GPATCH3: variants seen among roughly 807,000 people sequenced by gnomAD.
GPATCH3 encodes G patch domain-containing protein 3.
A neutral mutation model predicts 53.2 loss-of-function variants in GPATCH3; 45 were observed. The ratio of observed to expected loss-of-function variants is 0.85; its 90% CI spans 0.67 to 1.08. The LOEUF is 1.08. Among genes scored for constraint, GPATCH3 ranks in the 50% least tolerant of loss-of-function variants. GPATCH3 has a pLI of 0.00. For missense variants in GPATCH3, 680 were observed against 687.2 expected, an observed-to-expected ratio of 0.99 and a Z score of 0.12; for synonymous variants, 280 against 270.6, an observed-to-expected ratio of 1.03 and a Z score of -0.34.
chr1:26,893,396 A>G lies in GPATCH3; in HGVS notation c.1104T>C (p.Tyr368=), dbSNP rs775805801. The stretch of plus-strand genomic sequence containing the variant: ...CCACTCCTTGCCCAGTACCTCTGTC[A>G]TAGTACACACTCATGTCCACATCCC... ...DDWDVDMSVY[Y]DRDGGDKDAR... The change falls in exon 4 of 7, where the codon TAT becomes TAC. Residue 368 remains tyrosine (Y), a synonymous_variant. Transcript: ENST00000361720. 4 of 1,613,084 alleles carry G rather than the reference A, an allele frequency of 2.5e-6. No individual in the cohort carries two copies. The highest frequency in any genetic ancestry group is 3.4e-6 in the Non-Finnish European group (4 of 1,179,152).
chr1:26,898,403 C>T (rs916442270), intron 1 of GPATCH3, among the ~76,000 whole-genome samples: 1 of 152,114 alleles, frequency 6.6e-6, no homozygotes, highest in African/African-American at 2.4e-5. Context: ...CCGCAACCTC[C>T]GCCTCCCGGG....
At position 26,895,037 on chromosome 1, in the gene GPATCH3, G is replaced by A. The variant is rs980951657; in HGVS notation, c.877-627C>T. Among the ~76,000 whole-genome samples the A allele has an allele frequency of 3.9e-5, 6 of 152,082 alleles. No homozygotes were observed. The East Asian group carries it at 7.7e-4, about 20-fold the overall frequency. The stretch of plus-strand genomic sequence containing the variant: ...GCAGCAGAGCCAGCAATGCAAACCC[G>A]GGTGGCCACATCCAGGTGCAGCATC... On this transcript the variant is annotated intron_variant, in intron 2 of 6. Transcript: ENST00000361720.
At position 26,900,203 on chromosome 1, in the gene GPATCH3, C is replaced by G. The variant is rs1570703780; in HGVS notation, c.240G>C (p.Gln80His). 6.2e-7 allele frequency: 1 copy of G among 1,614,124 alleles called. No individual in the cohort carries two copies. The highest frequency in any genetic ancestry group is 2.2e-5 in the East Asian group (1 of 44,884). ...DPAAEGQLLS[Q>H]TSATDVRPLS... Reference sequence around the variant, plus strand: ...GAGGCCGGACATCGGTGGCCGAAGTCTGAGAGAGAAGCTGGCCCTCAGCGG... The same window carrying G: ...GAGGCCGGACATCGGTGGCCGAAGTGTGAGAGAGAAGCTGGCCCTCAGCGG... The change falls in exon 1 of 7, where the codon CAG becomes CAC. Residue 80 changes from glutamine to histidine, a missense_variant. Gln to His is a conservative substitution (Grantham distance 24, BLOSUM62 0). Transcript: ENST00000361720.
rs749621439 is a variant in GPATCH3, at chr1:26,894,387, C to A, written c.900G>T (p.Trp300Cys). Residue 300 changes from tryptophan to cysteine, a missense_variant, in exon 3 of 7, where the codon TGG becomes TGT. Coordinates refer to ENST00000361720, the MANE Select transcript of GPATCH3 (RefSeq NM_022078.3). ...SDEDDDRGEE[W>C]ERHEALHEDV... ...CCTCATGCAGCGCTTCATGCCGTTC[C>A]CATTCCTCACCCCGGTCATCGTCCT... 1.2e-6 allele frequency: 2 copies of A among 1,614,064 alleles called. No homozygotes were observed. Among genetic ancestry groups the A allele is most frequent in the South Asian group, 2.2e-5 (2 of 91,074 alleles).
chr1:26,892,918 C>T, intron 4 of GPATCH3, 127 bp from the exon 5 acceptor site: 1 of 1,166,510 alleles, frequency 8.6e-7, no homozygotes, highest in Non-Finnish European at 1.2e-6. Flanking sequence ...TCTCATTAGA[C>T]TGGGAGCTCC....
chr1:26,893,344 A>G, intron 4 of GPATCH3, 45 bp downstream of exon 4: 1 of 1,468,850 alleles, frequency 6.8e-7, no homozygotes, highest in Non-Finnish European at 9.5e-7. Context: ...CTGCAAGGCC[A>G]GGGCACCTGT....
At chr1:26,897,090 G>A (rs1570701315) in intron 2 of GPATCH3, among the ~76,000 whole-genome samples, 1 of 151,350 alleles carries the variant, frequency 6.6e-6, no homozygotes, top group Admixed American at 6.6e-5. Flanking sequence ...ACCCACTTAC[G>A]AATCTTCTGG....
intron 6 of GPATCH3, among the ~76,000 whole-genome samples, chr1:26,891,863 G>C (rs992062265): frequency 6.6e-6 from 1 of 151,994 alleles, no homozygotes; most frequent in East Asian, 1.9e-4. Flanking sequence ...ACCCACTACC[G>C]TGCCCAGCTA....
At chr1:26,893,165 G>A (rs2081936030) in intron 4 of GPATCH3, among the ~76,000 whole-genome samples, 1 of 152,154 alleles carries the variant, frequency 6.6e-6, no homozygotes, top group African/African-American at 2.4e-5. Context: ...GAGCCCCTAA[G>A]GGCTATCTAT....
At position 26,892,514 on chromosome 1, in the gene GPATCH3, G is replaced by C; in HGVS notation, c.1258C>G (p.Arg420Gly). The change falls in exon 6 of 7, where the codon CGG becomes GGG. Residue 420 changes from arginine to glycine, a missense_variant. Arg to Gly is a moderately radical substitution (Grantham distance 125). Transcript: ENST00000361720. Reference protein sequence around the residue: ...TKGIGRKVMERQGWAEGQGLG... With the variant: ...TKGIGRKVMEGQGWAEGQGLG... Reference sequence around the variant, plus strand: ...CCCTGGCCCTCAGCCCAGCCCTGCCGCTCCATCACCTTCCGCCCAATGCCC... The same window carrying C: ...CCCTGGCCCTCAGCCCAGCCCTGCCCCTCCATCACCTTCCGCCCAATGCCC... 1 of 1,613,582 alleles carries C rather than the reference G, an allele frequency of 6.2e-7. No homozygotes were observed. Among genetic ancestry groups the C allele is most frequent in the Non-Finnish European group, 8.5e-7 (1 of 1,179,570 alleles).
chr1:26,890,791 G>A lies in GPATCH3; in HGVS notation c.*219C>T. The A allele has an allele frequency of 1.3e-6, 1 of 757,256 alleles. No homozygotes were observed. Among genetic ancestry groups the A allele is most frequent in the Non-Finnish European group, 2.5e-6 (1 of 404,718 alleles). 46.9% of individuals were successfully genotyped at this position (757,256 alleles called of 1,614,324 possible). A position where few individuals can be genotyped will look rare whatever the true frequency, so the allele number is the denominator to read the frequency against. On this transcript the variant is annotated 3_prime_UTR_variant, in exon 7 of 7. Transcript: ENST00000361720. ...GATTAGGGTTAGAGACCAAAGACAA[G>A]CGGTCGTTACCCCTAATATCCAAGG...
chr1:26,897,150 A>G (rs1000713473), intron 2 of GPATCH3, 151 bp downstream of exon 2: 5 of 675,824 alleles, frequency 7.4e-6, no homozygotes, highest in African/African-American at 7.2e-5. Context: ...ACACATGCAA[A>G]TATAGTTTTA....
intron 1 of GPATCH3, among the ~76,000 whole-genome samples, chr1:26,899,479 G>C (rs1290759759): frequency 6.6e-6 from 1 of 152,168 alleles, no homozygotes; most frequent in Non-Finnish European, 1.5e-5. Flanking sequence ...ATGTCCAACT[G>C]TTCTCTGCAT....
Position 26,892,540 on chromosome 1 carries a change from T to G in GPATCH3, c.1234-2A>C, listed in dbSNP as rs1372888745. 4.3e-6 allele frequency: 7 copies of G among 1,610,736 alleles called. No homozygotes were observed. ...CTCCATCACCTTCCGCCCAATGCCCTGCAGAGTGAAGGGACAAGACTCAAG... is the reference window on the plus strand; with the variant it reads ...CTCCATCACCTTCCGCCCAATGCCCGGCAGAGTGAAGGGACAAGACTCAAG... On this transcript the variant is annotated splice_acceptor_variant, in intron 5 of 6. Coordinates refer to ENST00000361720, the MANE Select transcript of GPATCH3 (RefSeq NM_022078.3). LOFTEE classifies it high-confidence loss of function.
At chr1:26,899,512 T>C (rs1261023021) in intron 1 of GPATCH3, among the ~76,000 whole-genome samples, 1 of 152,244 alleles carries the variant, frequency 6.6e-6, no homozygotes, top group Admixed American at 6.5e-5. Flanking sequence ...ACACTAGGTC[T>C]AGCAATGTAA....
In GPATCH3 at chr1:26,897,631, C is replaced by A; in HGVS notation, c.546G>T (p.Pro182=). 6.2e-7 allele frequency: 1 copy of A among 1,614,160 alleles called. No homozygotes were observed. Among genetic ancestry groups the A allele is most frequent in the Middle Eastern group, 1.7e-4 (1 of 6,052 alleles). The change falls in exon 2 of 7, where the codon CCG becomes CCT. Residue 182 remains proline, a synonymous_variant. Transcript: ENST00000361720. ...AFTLADLKQL[P]ELNPPVLMPR... is the part of the protein sequence containing the mutation. ...GCATCAGCACTGGTGGGTTCAGCTC[C>A]GGCAGTTGCTTCAGGTCAGCCAGGG...
chr1:26,899,633 T>C (rs1454096876), intron 1 of GPATCH3, among the ~76,000 whole-genome samples: 2 of 152,230 alleles, frequency 1.3e-5, no homozygotes, highest in Admixed American at 1.3e-4. Flanking sequence ...TCTTCATTTG[T>C]ATCTTACTGA....
chr1:26,892,870 A>G, intron 4 of GPATCH3, 79 bp from the exon 5 acceptor site: 1 of 1,532,412 alleles, frequency 6.5e-7, no homozygotes, highest in Non-Finnish European at 8.9e-7. Context: ...ACCCCCTCGT[A>G]AGATTGACTT....
Position 26,892,508 on chromosome 1 carries a change from C to T in GPATCH3, c.1264G>A (p.Gly422Ser). Residue 422 changes from glycine (G) to serine (S), a missense_variant, in exon 6 of 7, where the codon GGC becomes AGC. By Grantham distance (56) the Gly-to-Ser change is moderately conservative (BLOSUM62 0). Coordinates refer to ENST00000361720, the MANE Select transcript of GPATCH3 (RefSeq NM_022078.3). ...GIGRKVMERQ[G>S]WAEGQGLGCR... ...CCCAGGCCCTGGCCCTCAGCCCAGC[C>T]CTGCCGCTCCATCACCTTCCGCCCA... 1.9e-6 allele frequency: 3 copies of T among 1,613,842 alleles called. No individual in the cohort carries two copies.
Sources: allele counts gnomAD v4.1 joint callset (sites outside exome capture counted in the v4.1 genomes callset), GRCh38; gene constraint gnomAD v4.1.1; transcripts MANE v1.5; gene names NCBI Gene and HGNC (gene_info 2026-07-23, HGNC 2026-07-21).